The following DYNLT2B variants were observed in gnomAD, a reference collection of about 807,000 sequenced individuals.
DYNLT2B encodes the protein dynein light chain Tctex-type protein 2B.
Under a neutral mutation model 19.5 loss-of-function variants are expected in DYNLT2B, and 14 were observed. The ratio of observed to expected loss-of-function variants is 0.72; its 90% confidence interval spans 0.47 to 1.12. The LOEUF (loss-of-function observed/expected upper bound fraction) is 1.12. Among genes scored for constraint, DYNLT2B ranks in the 50% most tolerant of loss-of-function variants. DYNLT2B has a pLI of 0.00. For missense variants in DYNLT2B, 133 were observed against 174.7 expected, an observed-to-expected ratio of 0.76 and a Z score of 1.35; for synonymous variants, 70 against 59.7, an observed-to-expected ratio of 1.17 and a Z score of -0.79.
chr3:196,312,508 G>A (rs926021296), intron 2 of DYNLT2B, among the ~76,000 whole-genome samples: 2 of 152,150 alleles, frequency 1.3e-5, no homozygotes, highest in Admixed American at 6.5e-5. Flanking sequence ...GCCCAGGCTG[G>A]AGTGCAGTGG....
At chr3:196,305,851 C>G (rs1726472537) in intron 3 of DYNLT2B, 2 of 153,458 alleles carry the variant, frequency 1.3e-5, no homozygotes, top group African/African-American at 4.8e-5. Flanking sequence ...AATGAGGCAG[C>G]AAAAACAACA....
At chr3:196,297,819 A>G (rs753870960) in intron 3 of DYNLT2B, among the ~76,000 whole-genome samples, 2 of 152,232 alleles carry the variant, frequency 1.3e-5, no homozygotes, top group Non-Finnish European at 2.9e-5. Context: ...CCATACCCAC[A>G]GAGAAACATA....
intron 3 of DYNLT2B, among the ~76,000 whole-genome samples, chr3:196,302,855 T>C (rs921084522): frequency 5.3e-5 from 8 of 151,980 alleles, no homozygotes; most frequent in African/African-American, 1.9e-4. Flanking sequence ...TTCCTGGGCG[T>C]AGGCTGAACT....
chr3:196,304,724 A>T (rs1325085286), intron 3 of DYNLT2B, among the ~76,000 whole-genome samples: 1 of 152,114 alleles, frequency 6.6e-6, no homozygotes, highest in Non-Finnish European at 1.5e-5. Flanking sequence ...CAATCCATAG[A>T]TTCAAGAGAC....
At chr3:196,317,745 T>C (rs1193871252) in intron 1 of DYNLT2B, among the ~76,000 whole-genome samples, 1 of 152,154 alleles carries the variant, frequency 6.6e-6, no homozygotes, top group Admixed American at 6.5e-5. Flanking sequence ...ACCCATCTCC[T>C]TACTCAGGAC....
At chr3:196,296,323 T>C in intron 3 of DYNLT2B, 1 of 405,580 alleles carries the variant, frequency 2.5e-6, no homozygotes, top group Admixed American at 4.0e-5. Flanking sequence ...AGACCCTACC[T>C]GATGGCTACA....
intron 4 of DYNLT2B, among the ~76,000 whole-genome samples, chr3:196,293,066 C>G (rs1726134050): frequency 1.3e-5 from 2 of 152,168 alleles, no homozygotes. Flanking sequence ...GTTGGCCAGG[C>G]TGGTCTTGAA....
intron 2 of DYNLT2B, 32 bp from the exon 3 acceptor site, chr3:196,307,044 A>G (rs1302090647): frequency 6.3e-7 from 1 of 1,587,786 alleles, no homozygotes; most frequent in Admixed American, 1.7e-5. Flanking sequence ...ATTTATAAGC[A>G]AATATGTAGT....
At chr3:196,298,184 C>G (rs1425985062) in intron 3 of DYNLT2B, 1 of 360,378 alleles carries the variant, frequency 2.8e-6, no homozygotes, top group Non-Finnish European at 5.6e-6. Context: ...GGCCAGGAAT[C>G]GCTTACTCTT....
At chr3:196,305,039 T>A (rs1726451083) in intron 3 of DYNLT2B, among the ~76,000 whole-genome samples, 1 of 152,060 alleles carries the variant, frequency 6.6e-6, no homozygotes, top group Non-Finnish European at 1.5e-5. Flanking sequence ...TGTGCCACCA[T>A]GCCCGGCTAA....
At position 196,291,330 on chromosome 3, in the gene DYNLT2B, G is replaced by A; in HGVS notation, c.426C>T (p.Tyr142=). ...CVVAAFGCFY[Y] is the part of the protein sequence containing the mutation. ...TACCAGCTTTTCAAAGATTCATTCA[G>A]TAGTAGAAACAGCCAAATGCTGCTA... The change falls in exon 5 of 5, where the codon TAC becomes TAT. Residue 142 remains tyrosine, a synonymous_variant. Transcript: ENST00000325318. 6.2e-7 allele frequency: 1 copy of A among 1,611,088 alleles called. No individual in the cohort carries two copies. Among genetic ancestry groups the A allele is most frequent in the Non-Finnish European group, 8.5e-7 (1 of 1,178,860 alleles).
chr3:196,308,649 C>T (rs1260714158), intron 2 of DYNLT2B, among the ~76,000 whole-genome samples: 1 of 152,232 alleles, frequency 6.6e-6, no homozygotes, highest in East Asian at 1.9e-4. Context: ...CTCTGATGAA[C>T]GTGCAGGTTC....
rs1290221436 is a variant in DYNLT2B, at chr3:196,296,018, A to G, written c.369T>C (p.Asp123=). 1 of 1,613,702 alleles carries G rather than the reference A, an allele frequency of 6.2e-7. No homozygotes were observed. Among genetic ancestry groups the G allele is most frequent in the East Asian group, 2.2e-5 (1 of 44,882 alleles). ...CAAATACACTTACATTCATGAAAAC[A>G]TCATGAGTATAGTTGTCAGTGTCAG... ...WDADTDNYTH[D]VFMNDSLFCV... The change falls in exon 4 of 5, where the codon GAT becomes GAC. Residue 123 remains aspartate (D), a synonymous_variant. Transcript: ENST00000325318.
chr3:196,306,945 T>C lies in DYNLT2B; in HGVS notation c.315A>G (p.Val105=), dbSNP rs1420454901. 6 of 1,613,596 alleles carry C rather than the reference T, an allele frequency of 3.7e-6. No individual in the cohort carries two copies. The Admixed American group carries it at 1.0e-4, about 27-fold the overall frequency. Residue 105 remains valine (V), a splice_region_variant and synonymous_variant, in exon 3 of 5, where the codon GTA becomes GTG. Transcript: ENST00000325318. ...AGAAGGAAAATCCAGCTACTCACAA[T>C]ACTCCTTCACCTCTTTGTTCTCCAA... ...VVIGEQRGEG[V]FMASRCFWDA... is the part of the protein sequence containing the mutation.
intron 1 of DYNLT2B, among the ~76,000 whole-genome samples, chr3:196,317,566 C>T (rs1726908361): frequency 6.6e-6 from 1 of 152,068 alleles, no homozygotes; most frequent in South Asian, 2.1e-4. Flanking sequence ...TTAATCCTAG[C>T]GAGGGCTCGC....
chr3:196,299,657 C>T (rs1385683541), intron 3 of DYNLT2B, among the ~76,000 whole-genome samples: 4 of 151,774 alleles, frequency 2.6e-5, no homozygotes, highest in African/African-American at 9.7e-5. Flanking sequence ...TCAGGCCGGG[C>T]ACAGTGGCTC....
chr3:196,302,563 T>G (rs926777957), intron 3 of DYNLT2B, among the ~76,000 whole-genome samples: 1 of 152,184 alleles, frequency 6.6e-6, no homozygotes, highest in Admixed American at 6.6e-5. Flanking sequence ...CATGAGTCCA[T>G]GTTGAAATAA....
chr3:196,316,597 C>T (rs997998504), intron 1 of DYNLT2B, among the ~76,000 whole-genome samples: 1 of 151,982 alleles, frequency 6.6e-6, no homozygotes, highest in Non-Finnish European at 1.5e-5. Context: ...TAAAAAAATA[C>T]GGCTGAATGG....
chr3:196,296,140 A>C, intron 3 of DYNLT2B, 71 bp from the exon 4 acceptor site: 1 of 1,290,654 alleles, frequency 7.7e-7, no homozygotes, highest in Non-Finnish European at 1.1e-6. Context: ...CTGCCACGAG[A>C]AACAGTGTTC....
Sources: gnomAD v4.1 joint callset for allele counts (sites outside exome capture counted in the v4.1 genomes callset) on GRCh38, gnomAD v4.1.1 for gene constraint, MANE v1.5 for transcripts, NCBI Gene and HGNC (gene_info 2026-07-23, HGNC 2026-07-21) for gene names.